The following PPP3R1 variants were observed in gnomAD, a reference collection of about 807,000 sequenced individuals.
The protein encoded by PPP3R1 is protein phosphatase 3 regulatory subunit B, alpha, also known as calcineurin subunit B type 1.
PPP3R1 carries 5 observed loss-of-function variants against 22.6 expected under a neutral mutation model. That is an observed-to-expected ratio of 0.22 (90% CI 0.12 to 0.46). The LOEUF is 0.46. Ranked by LOEUF, PPP3R1 falls within the 20% of genes least tolerant of loss-of-function variation. The pLI is 0.99. For missense variants in PPP3R1, 61 were observed against 203.2 expected (o/e 0.30, Z 4.25); for synonymous variants, 56 against 65.2 (o/e 0.86, Z 0.68).
chr2:68,185,013 G>A (rs748803551), intron 5 of PPP3R1, among the ~76,000 whole-genome samples: 5 of 152,184 alleles, frequency 3.3e-5, no homozygotes, highest in African/African-American at 7.2e-5. Context: ...AAGGTCAGAA[G>A]ATCGAGACCA....
At chr2:68,233,850 T>C (rs1307832729) in intron 1 of PPP3R1, among the ~76,000 whole-genome samples, 1 of 152,194 alleles carries the variant, frequency 6.6e-6, no homozygotes, top group African/African-American at 2.4e-5. Flanking sequence ...AGGTAGAAAC[T>C]AATGGATCTA....
At chr2:68,250,151 G>C (rs1200592818) in intron 1 of PPP3R1, among the ~76,000 whole-genome samples, 1 of 150,364 alleles carries the variant, frequency 6.7e-6, no homozygotes, top group African/African-American at 2.4e-5. Context: ...GGATGAAAGA[G>C]GAAAAAAAAA....
Position 68,244,408 on chromosome 2 carries a change from T to C in PPP3R1, c.3+7717A>G, listed in dbSNP as rs904320475. Among the ~76,000 whole-genome samples the C allele has an allele frequency of 2.0e-5, 3 of 152,150 alleles. No individual in the cohort carries two copies. The East Asian group carries it at 5.8e-4, about 29-fold the overall frequency. Reference sequence around the variant, plus strand: ...CCCTCACCCCTCAAAACCACCCCAGTTCCCTCAGGCTCAATGTCAACCTCA... The same window carrying C: ...CCCTCACCCCTCAAAACCACCCCAGCTCCCTCAGGCTCAATGTCAACCTCA... On this transcript the variant is annotated intron_variant, in intron 1 of 5. Coordinates refer to ENST00000234310, the MANE Select transcript of PPP3R1 (RefSeq NM_000945.4).
Position 68,234,779 on chromosome 2 carries a change from C to A in PPP3R1, c.3+17346G>T, listed in dbSNP as rs76443985. 5.9e-3 allele frequency among the ~76,000 whole-genome samples: 893 copies of A among 152,186 alleles called. 5 individuals carry two copies. Among genetic ancestry groups the A allele is most frequent in the African/African-American group, 0.02 (837 of 41,524 alleles). On this transcript the variant is annotated intron_variant, in intron 1 of 5. Transcript: ENST00000234310. ...TCTAATTTAAAAACATATATAATAA[C>A]CCCCTCAAAAACCAGAAAATGATAT...
intron 2 of PPP3R1, among the ~76,000 whole-genome samples, chr2:68,207,962 C>T (rs577022739): frequency 3.3e-5 from 5 of 152,144 alleles, no homozygotes; most frequent in Non-Finnish European, 5.9e-5. Context: ...TCGAGACAAG[C>T]CTTGCCAACA....
chr2:68,232,221 ATATG>A (rs1472890696), intron 1 of PPP3R1, among the ~76,000 whole-genome samples: 6 of 28,766 alleles, frequency 2.1e-4, no homozygotes, highest in African/African-American at 1.2e-3. Flanking sequence ...GTATATGTAT[ATATG>A]TGTGTGTGTG....
chr2:68,213,727 A>C (rs1056436302), intron 2 of PPP3R1, among the ~76,000 whole-genome samples: 1 of 152,218 alleles, frequency 6.6e-6, no homozygotes, highest in Non-Finnish European at 1.5e-5. Flanking sequence ...ATCAAAGCAT[A>C]ATAAAATGAG....
chr2:68,194,947 C>T (rs13399250), intron 2 of PPP3R1, among the ~76,000 whole-genome samples: 6,586 of 152,096 alleles, frequency 0.043, 454 homozygotes, highest in African/African-American at 0.15. Flanking sequence ...TAAATTCTAA[C>T]AATAATATTT....
intron 1 of PPP3R1, among the ~76,000 whole-genome samples, chr2:68,226,153 T>C (rs942675753): frequency 6.6e-6 from 1 of 151,890 alleles, no homozygotes; most frequent in Non-Finnish European, 1.5e-5. Flanking sequence ...AAAGTTAAGG[T>C]GTTGTGGGGT....
chr2:68,212,928 T>C (rs774745838), intron 2 of PPP3R1, among the ~76,000 whole-genome samples: 44 of 152,242 alleles, frequency 2.9e-4, no homozygotes, highest in Non-Finnish European at 5.9e-5. Flanking sequence ...GTTATGGAGA[T>C]GGCTTATCTC....
intron 2 of PPP3R1, among the ~76,000 whole-genome samples, chr2:68,211,510 T>C (rs1185800756): frequency 6.6e-6 from 1 of 152,052 alleles, no homozygotes; most frequent in Admixed American, 6.6e-5. Flanking sequence ...ACTTCAATGT[T>C]GATGGCCACG....
intron 1 of PPP3R1, among the ~76,000 whole-genome samples, chr2:68,225,482 A>T (rs566687949): frequency 1.3e-5 from 2 of 152,204 alleles, no homozygotes; most frequent in African/African-American, 4.8e-5. Context: ...TAACGTGAAC[A>T]GCTTGGAAAG....
chr2:68,197,611 T>A (rs999743827), intron 2 of PPP3R1, among the ~76,000 whole-genome samples: 3 of 152,172 alleles, frequency 2.0e-5, no homozygotes, highest in African/African-American at 7.2e-5. Context: ...CTCCACATCC[T>A]TGCTAACAAG....
chr2:68,193,196 A>G (rs1223084382), intron 2 of PPP3R1, among the ~76,000 whole-genome samples: 2 of 152,162 alleles, frequency 1.3e-5, no homozygotes, highest in East Asian at 3.9e-4. Flanking sequence ...TTACCTTGAC[A>G]ATAAATGACT....
At chr2:68,195,116 G>A (rs1409011245) in intron 2 of PPP3R1, among the ~76,000 whole-genome samples, 1 of 152,032 alleles carries the variant, frequency 6.6e-6, no homozygotes, top group East Asian at 1.9e-4. Context: ...CTATAATTCT[G>A]TGAGATGTTA....
At chr2:68,209,163 C>T (rs1272348939) in intron 2 of PPP3R1, among the ~76,000 whole-genome samples, 1 of 149,034 alleles carries the variant, frequency 6.7e-6, no homozygotes, top group African/African-American at 2.5e-5. Flanking sequence ...TCGAGAACAT[C>T]CCGGCTAAAA....
chr2:68,248,879 C>T (rs533978748), intron 1 of PPP3R1, among the ~76,000 whole-genome samples: 5 of 152,306 alleles, frequency 3.3e-5, no homozygotes, highest in South Asian at 4.1e-4. Context: ...CACATGCTAA[C>T]TTACTTCACG....
chr2:68,188,719 AT>A, intron 2 of PPP3R1, 29 bp from the exon 3 acceptor site: 1 of 1,535,324 alleles, frequency 6.5e-7, no homozygotes, highest in South Asian at 1.3e-5. Context: ...GGAAGCAAGA[AT>A]TTTTTAAAAA....
chr2:68,232,598 T>G (rs900070938), intron 1 of PPP3R1, among the ~76,000 whole-genome samples: 4 of 151,660 alleles, frequency 2.6e-5, no homozygotes, highest in Non-Finnish European at 5.9e-5. Context: ...TTACAGTGTT[T>G]TTGTTGTTGT....
Sources: gnomAD v4.1 joint callset for allele counts (sites outside exome capture counted in the v4.1 genomes callset) on GRCh38, gnomAD v4.1.1 for gene constraint, MANE v1.5 for transcripts, NCBI Gene and HGNC (gene_info 2026-07-23, HGNC 2026-07-21) for gene names.